DACT1: variants seen among roughly 807,000 people sequenced by gnomAD.
DACT1 encodes the protein dapper homolog 1.
Under a neutral mutation model 35.3 loss-of-function variants are expected in DACT1, and 19 were observed. The observed-to-expected ratio is 0.54, with a 90% confidence interval of 0.38 to 0.79. The LOEUF (loss-of-function observed/expected upper bound fraction) is 0.79, where lower values mean the gene tolerates loss of function less well. DACT1 is among the 30% of genes least tolerant of loss of function. The pLI is 0.00. For missense variants in DACT1, 1,143 were observed against 1,057.5 expected (o/e 1.08, Z -1.12); for synonymous variants, 545 against 466.7 (o/e 1.17, Z -2.16).
In DACT1 at chr14:58,645,769, C is replaced by G; in HGVS notation, c.1035C>G (p.Gly345=). 1 of 1,614,248 alleles carries G rather than the reference C, an allele frequency of 6.2e-7. No individual in the cohort carries two copies. The highest frequency in any genetic ancestry group is 8.5e-7 in the Non-Finnish European group (1 of 1,180,050). ...GGAGCGTTTGTGTCAGAGCCCCGGGCGGTGTCTCACAGGGCAACAGTGTGA... is the reference window on the plus strand; with the variant it reads ...GGAGCGTTTGTGTCAGAGCCCCGGGGGGTGTCTCACAGGGCAACAGTGTGA... ...RNGSVCVRAP[G]GVSQGNSVNL... The change falls in exon 4 of 4, where the codon GGC becomes GGG. Residue 345 remains glycine, a synonymous_variant. Transcript: ENST00000395153.
In DACT1 at chr14:58,646,012, T is replaced by G; in HGVS notation, c.1278T>G (p.His426Gln). 6.2e-7 allele frequency: 1 copy of G among 1,614,078 alleles called. No individual in the cohort carries two copies. Among genetic ancestry groups the G allele is most frequent in the Non-Finnish European group, 8.5e-7 (1 of 1,180,026 alleles). The change falls in exon 4 of 4, where the codon CAT becomes CAG. Residue 426 changes from histidine to glutamine, a missense_variant. Around this residue, in one of 3 missense-constraint regions of DACT1, gnomAD observed 1,054 missense variants for 958.8 expected, o/e 1.10. Coordinates refer to ENST00000395153, the MANE Select transcript of DACT1 (RefSeq NM_001079520.2). ...CGGCCAAGCCAGCCTCGCAAGAACA[T>G]GCTCGGTGTTCCGCCATTGGGACAG... ...PKTAKPASQE[H>Q]ARCSAIGTGE... is the part of the protein sequence containing the mutation.
chr14:58,639,379 C>A, intron 1 of DACT1: 3 of 586,306 alleles, frequency 5.1e-6, no homozygotes, highest in Non-Finnish European at 6.4e-6. Flanking sequence ...CTTTTGACCC[C>A]GCCTCAGAAT....
intron 1 of DACT1, 98 bp from the exon 2 acceptor site, chr14:58,640,638 T>C: frequency 2.1e-6 from 3 of 1,442,610 alleles, no homozygotes; most frequent in Non-Finnish European, 2.8e-6. Flanking sequence ...CTAAGTTTAG[T>C]GAACTCTTCA....
intron 3 of DACT1, among the ~76,000 whole-genome samples, chr14:58,644,056 A>G (rs543225269): frequency 1.3e-5 from 2 of 152,366 alleles, no homozygotes; most frequent in South Asian, 4.1e-4. Context: ...TGAATGAATA[A>G]ATACAATGGA....
intron 3 of DACT1, 128 bp downstream of exon 3, chr14:58,641,875 C>A (rs2047630216): frequency 3.6e-6 from 3 of 833,424 alleles, no homozygotes; most frequent in African/African-American, 3.4e-5. Context: ...CATTTAGTGC[C>A]ATACTTACAT....
chr14:58,642,803 T>C (rs1186741880), intron 3 of DACT1, among the ~76,000 whole-genome samples: 6 of 152,244 alleles, frequency 3.9e-5, no homozygotes, highest in Non-Finnish European at 8.8e-5. Flanking sequence ...CTCCAGAATG[T>C]TCTGCATGAT....
intron 1 of DACT1, chr14:58,638,764 G>A: frequency 1.7e-6 from 2 of 1,198,344 alleles, no homozygotes; most frequent in Non-Finnish European, 2.1e-6. Flanking sequence ...CCCGCTTTGT[G>A]TCTGGCGACC....
chr14:58,640,690 T>C (rs1234493461), intron 1 of DACT1, 46 bp from the exon 2 acceptor site: 3 of 1,607,728 alleles, frequency 1.9e-6, no homozygotes, highest in Non-Finnish European at 2.6e-6. Context: ...TCTGGTTCTT[T>C]TGTCACCCCT....
chr14:58,639,396 G>T, intron 1 of DACT1: 1 of 469,056 alleles, frequency 2.1e-6, no homozygotes, highest in Non-Finnish European at 2.8e-6. Flanking sequence ...GAATAATGGC[G>T]ACAGCTTTGT....
Position 58,645,945 on chromosome 14 carries a change from C to T in DACT1, c.1211C>T (p.Ser404Leu). 1.2e-6 allele frequency: 2 copies of T among 1,614,000 alleles called. No individual in the cohort carries two copies. The highest frequency in any genetic ancestry group is 1.1e-5 in the South Asian group (1 of 91,082). Residue 404 changes from serine (S) to leucine (L), a missense_variant, in exon 4 of 4, where the codon TCA becomes TTA. Ser to Leu is a moderately radical substitution (Grantham distance 145). Around this residue, in one of 3 missense-constraint regions of DACT1, gnomAD observed 1,054 missense variants for 958.8 expected, o/e 1.10. Transcript: ENST00000395153. ...KRVPLPEGCPSGAASDLQSKH... is the reference protein window; with the variant it reads ...KRVPLPEGCPLGAASDLQSKH... ...GTGCCCCTGCCAGAGGGCTGCCCCT[C>T]AGGCGCTGCCTCCGACCTTCAGAGT...
rs1288019611 is a variant in DACT1 at position 58,638,009 on chromosome 14, G to C, written c.-194G>C. ...CGAGGGACGCGCGGCGACAGCGGAC[G>C]GCGCTGCCCGGGCCGGGACAGCAGC... On this transcript the variant is annotated 5_prime_UTR_variant, in exon 1 of 4. Coordinates refer to ENST00000395153, the MANE Select transcript of DACT1 (RefSeq NM_001079520.2). 2 of 404,948 alleles carry C rather than the reference G, an allele frequency of 4.9e-6. No individual in the cohort carries two copies. Among genetic ancestry groups the C allele is most frequent in the Non-Finnish European group, 7.7e-6 (2 of 258,868 alleles). 25.1% of individuals were successfully genotyped at this position (404,948 alleles called of 1,614,324 possible).
chr14:58,644,520 C>G (rs538963490), intron 3 of DACT1, among the ~76,000 whole-genome samples: 2 of 152,154 alleles, frequency 1.3e-5, no homozygotes, highest in African/African-American at 4.8e-5. Flanking sequence ...CGTGAGCCAT[C>G]ATACCTGGCC....
At position 58,645,173 on chromosome 14, in the gene DACT1, T is replaced by C. The variant is rs1000863224; in HGVS notation, c.635-196T>C. 1.1e-5 allele frequency: 11 copies of C among 1,039,994 alleles called. No individual in the cohort carries two copies. In the Admixed American group the frequency reaches 1.9e-4, roughly 18 times the overall value. The allele number at this position is 1,039,994 out of a possible 1,614,324, so 64.4% of individuals were successfully genotyped here. A position where few individuals can be genotyped will look rare whatever the true frequency, so the allele number is the denominator to read the frequency against. On this transcript the variant is annotated intron_variant, in intron 3 of 3. Coordinates refer to ENST00000395153, the MANE Select transcript of DACT1 (RefSeq NM_001079520.2). ...ATCCTTGGCAATCTCTTTTTACCCA[T>C]GGATTTTTCATAAAAATTGGCCAAA...
chr14:58,646,818 C>A lies in DACT1; in HGVS notation c.2084C>A (p.Ser695Tyr), dbSNP rs779218639. Residue 695 changes from serine (S) to tyrosine (Y), a missense_variant, in exon 4 of 4, where the codon TCC becomes TAC. By Grantham distance (144) the Ser-to-Tyr change is moderately radical. Around this residue, in one of 3 missense-constraint regions of DACT1, gnomAD observed 1,054 missense variants for 958.8 expected, o/e 1.10. Coordinates refer to ENST00000395153, the MANE Select transcript of DACT1 (RefSeq NM_001079520.2). ...TCCGAGTACTCGGCCGAGTGCGAGT[C>A]CCTGTTCCACTCCACCGTGGTGGAC... ...SDSEYSAECESLFHSTVVDTS... is the reference protein window; with the variant it reads ...SDSEYSAECEYLFHSTVVDTS... 4.3e-6 allele frequency: 7 copies of A among 1,614,076 alleles called. No individual in the cohort carries two copies. The highest frequency in any genetic ancestry group is 2.7e-5 in the African/African-American group (2 of 74,940).
Position 58,638,552 on chromosome 14 carries a change from G to A in DACT1, c.345+5G>A. 7.5e-7 allele frequency: 1 copy of A among 1,336,514 alleles called. No homozygotes were observed. The highest frequency in any genetic ancestry group is 9.6e-7 in the Non-Finnish European group (1 of 1,036,650). 82.8% of individuals were successfully genotyped at this position (1,336,514 alleles called of 1,614,324 possible). On this transcript the variant is annotated splice_donor_5th_base_variant and intron_variant, in intron 1 of 3. Transcript: ENST00000395153. ...TTGCTGCTAAGAAAGCAATTGGTAG[G>A]TCGTGCCCGAAGGTGGAGCACGGCT...
chr14:58,647,204 G>C lies in DACT1; in HGVS notation c.*70G>C, dbSNP rs1296605246. ...CCCTAGTTGCCAAAATTAAAAAGGT[G>C]GTGTTTTCATTTTTGTATAATACTT... is the stretch of plus-strand genomic sequence containing the variant. On this transcript the variant is annotated 3_prime_UTR_variant, in exon 4 of 4. Transcript: ENST00000395153. 4 of 1,533,874 alleles carry C rather than the reference G, an allele frequency of 2.6e-6. No homozygotes were observed. Among genetic ancestry groups the C allele is most frequent in the Non-Finnish European group, 3.5e-6 (4 of 1,133,334 alleles).
In DACT1 at chr14:58,646,390, A is replaced by G. The variant is rs1178624636; in HGVS notation, c.1656A>G (p.Pro552=). 6.2e-7 allele frequency: 1 copy of G among 1,603,986 alleles called. No homozygotes were observed. Among genetic ancestry groups the G allele is most frequent in the South Asian group, 1.1e-5 (1 of 89,514 alleles). The part of the protein sequence containing the change: ...VKNSSLKHRG[P]ALQGLENGLP... ...ACTCCAGCCTGAAGCACCGCGGCCC[A>G]GCCCTCCAGGGGCTGGAGAACGGCT... The change falls in exon 4 of 4, where the codon CCA becomes CCG. Residue 552 remains proline, a synonymous_variant. Transcript: ENST00000395153.
At position 58,646,236 on chromosome 14, in the gene DACT1, T is replaced by C; in HGVS notation, c.1502T>C (p.Leu501Ser). ...TTCCCCGTGGAAGAGAGGCCTGCCT[T>C]GGATTTCAAGAGCGAGGGCTCTTCC... ...TAFPVEERPALDFKSEGSSQS... is the reference protein window; with the variant it reads ...TAFPVEERPASDFKSEGSSQS... The change falls in exon 4 of 4, where the codon TTG becomes TCG. Residue 501 changes from leucine to serine, a missense_variant. By Grantham distance (145) the Leu-to-Ser change is moderately radical. This residue lies in a region of DACT1 where 1,054 missense variants were observed against 958.8 expected (regional missense o/e 1.10). Coordinates refer to ENST00000395153, the MANE Select transcript of DACT1 (RefSeq NM_001079520.2). 2 of 1,614,004 alleles carry C rather than the reference T, an allele frequency of 1.2e-6. No individual in the cohort carries two copies. The highest frequency in any genetic ancestry group is 3.3e-4 in the Middle Eastern group (2 of 6,062).
Position 58,646,878 on chromosome 14 carries a change from A to C in DACT1, c.2144A>C (p.Asn715Thr). The stretch of plus-strand genomic sequence containing the variant: ...GACGAGCAGAGCAATTACACCACCA[A>C]CTGCTTCGGGGACAGCGAGTCGAGT... ...SEDEQSNYTT[N>T]CFGDSESSVS... The change falls in exon 4 of 4, where the codon AAC becomes ACC. Residue 715 changes from asparagine (N) to threonine (T), a missense_variant. Asn to Thr is a moderately conservative substitution (Grantham distance 65, BLOSUM62 0). Around this residue, in one of 3 missense-constraint regions of DACT1, gnomAD observed 1,054 missense variants for 958.8 expected, o/e 1.10. Transcript: ENST00000395153. 6.2e-7 allele frequency: 1 copy of C among 1,613,940 alleles called. No individual in the cohort carries two copies. The highest frequency in any genetic ancestry group is 8.5e-7 in the Non-Finnish European group (1 of 1,179,942).
Sources: gnomAD v4.1 joint callset for allele counts (sites outside exome capture counted in the v4.1 genomes callset) on GRCh38, gnomAD v4.1.1 for gene constraint, gnomAD v4.1.1 regional missense constraint, MANE v1.5 for transcripts, NCBI Gene and HGNC (gene_info 2026-07-23, HGNC 2026-07-21) for gene names.